CNTRL: variants seen among roughly 807,000 people sequenced by gnomAD.
CNTRL encodes the protein 110 kDa centrosomal protein.
Under a neutral mutation model 303.7 loss-of-function variants are expected in CNTRL, and 233 were observed. That is an observed-to-expected ratio of 0.77 (90% confidence interval 0.69 to 0.86). The LOEUF is 0.86. Ranked by LOEUF, CNTRL falls within the 40% of genes least tolerant of loss-of-function variation. CNTRL has a pLI of 0.00. For synonymous variants in CNTRL, 900 were observed against 922.2 expected (o/e 0.98, Z 0.44); for missense variants, 2,524 against 2,650.6 (o/e 0.95, Z 1.05).
At position 121,173,351 on chromosome 9, in the gene CNTRL, A is replaced by C; in HGVS notation, c.6526A>C (p.Asn2176His). The change falls in exon 41 of 44, where the codon AAT becomes CAT. Residue 2176 changes from asparagine (N) to histidine (H), a missense_variant. By Grantham distance (68) the Asn-to-His change is moderately conservative (BLOSUM62 1). Transcript: ENST00000373855. Reference sequence around the variant, plus strand: ...AATCAGAACCAGCTTGAAGAATCTTAATCAGTTTCTTCCAGAACTACCAGC... The same window carrying C: ...AATCAGAACCAGCTTGAAGAATCTTCATCAGTTTCTTCCAGAACTACCAGC... ...DEIRTSLKNL[N>H]QFLPELPADL... The C allele has an allele frequency of 6.2e-7, 1 of 1,614,176 alleles. No individual in the cohort carries two copies.
At chr9:121,134,617 C>T (rs1005380221) in intron 14 of CNTRL, among the ~76,000 whole-genome samples, 2 of 152,134 alleles carry the variant, frequency 1.3e-5, no homozygotes, top group African/African-American at 4.8e-5. Context: ...AATATCTGAA[C>T]CATATTCAGA....
intron 14 of CNTRL, among the ~76,000 whole-genome samples, chr9:121,128,056 T>A (rs2050635334): frequency 6.6e-6 from 1 of 152,194 alleles, no homozygotes; most frequent in South Asian, 2.1e-4. Flanking sequence ...GATGGACATT[T>A]GGGTTGGTTC....
At chr9:121,089,028 A>C (rs901236314) in intron 3 of CNTRL, among the ~76,000 whole-genome samples, 1 of 152,198 alleles carries the variant, frequency 6.6e-6, no homozygotes, top group Non-Finnish European at 1.5e-5. Context: ...TAGTCTAGGA[A>C]TCTGTTCTCA....
At chr9:121,091,316 T>C (rs2048561318) in intron 4 of CNTRL, among the ~76,000 whole-genome samples, 1 of 152,154 alleles carries the variant, frequency 6.6e-6, no homozygotes, top group Non-Finnish European at 1.5e-5. Context: ...CAAAAAGTAT[T>C]TCCAGAAGGG....
At chr9:121,113,216 T>TA (rs2049830469) in intron 9 of CNTRL, among the ~76,000 whole-genome samples, 1 of 152,192 alleles carries the variant, frequency 6.6e-6, no homozygotes, top group Non-Finnish European at 1.5e-5. Flanking sequence ...CAAGCAGTGC[T>TA]AAAAATCACA....
At chr9:121,091,773 G>A (rs2048581482) in intron 4 of CNTRL, among the ~76,000 whole-genome samples, 1 of 152,086 alleles carries the variant, frequency 6.6e-6, no homozygotes, top group South Asian at 2.1e-4. Flanking sequence ...GAACCCAGGA[G>A]GTGGAGGTTG....
intron 15 of CNTRL, among the ~76,000 whole-genome samples, chr9:121,136,635 A>G (rs2051212921): frequency 6.6e-6 from 1 of 152,144 alleles, no homozygotes; most frequent in South Asian, 2.1e-4. Context: ...GTTGATGATA[A>G]GTTGTAGTTT....
At chr9:121,121,953 TATG>T in intron 12 of CNTRL, 4 of 983,936 alleles carry the variant, frequency 4.1e-6, no homozygotes, top group South Asian at 4.7e-5. Flanking sequence ...TAAGTTAAGG[TATG>T]ATATTTTTTC....
intron 14 of CNTRL, among the ~76,000 whole-genome samples, chr9:121,133,618 G>A (rs1008006263): frequency 2.0e-5 from 3 of 152,198 alleles, no homozygotes; most frequent in Admixed American, 6.5e-5. Flanking sequence ...TGGGTGAGGC[G>A]ATGCCCTGCC....
intron 7 of CNTRL, among the ~76,000 whole-genome samples, chr9:121,103,562 A>G (rs1365145944): frequency 6.6e-6 from 1 of 152,244 alleles, no homozygotes; most frequent in Non-Finnish European, 1.5e-5. Flanking sequence ...ATCTAATTAA[A>G]CTAAAGAGCT....
intron 12 of CNTRL, among the ~76,000 whole-genome samples, chr9:121,123,256 A>G (rs1364631435): frequency 6.6e-6 from 1 of 152,140 alleles, no homozygotes; most frequent in Admixed American, 6.5e-5. Context: ...TATATGCCAT[A>G]ACCAACTAAT....
At chr9:121,126,038 G>T (rs906687146) in intron 14 of CNTRL, 102 bp downstream of exon 14, 70 of 901,476 alleles carry the variant, frequency 7.8e-5, no homozygotes, top group Non-Finnish European at 1.2e-4. Flanking sequence ...GTGGGAAAAA[G>T]TATTAGTGGC....
At chr9:121,097,663 A>T (rs1191382418) in intron 6 of CNTRL, among the ~76,000 whole-genome samples, 1 of 152,230 alleles carries the variant, frequency 6.6e-6, no homozygotes, top group Non-Finnish European at 1.5e-5. Context: ...GATGATGGGA[A>T]GAGGTAGCCA....
chr9:121,124,958 A>C (rs949326166), intron 13 of CNTRL, among the ~76,000 whole-genome samples: 7 of 150,360 alleles, frequency 4.7e-5, no homozygotes, highest in African/African-American at 9.8e-5. Context: ...AAAAAAAAAA[A>C]AGAGAGAGAT....
At chr9:121,138,108 G>A (rs191197443) in intron 15 of CNTRL, among the ~76,000 whole-genome samples, 1 of 152,244 alleles carries the variant, frequency 6.6e-6, no homozygotes, top group African/African-American at 2.4e-5. Flanking sequence ...CCACTCTAGA[G>A]ATTCTGATCC....
intron 14 of CNTRL, among the ~76,000 whole-genome samples, chr9:121,135,045 G>A (rs1008852424): frequency 3.9e-5 from 6 of 152,192 alleles, no homozygotes; most frequent in African/African-American, 1.2e-4. Context: ...AGTTCTCATC[G>A]TAGAATCCTC....
chr9:121,123,035 A>G (rs2050317724), intron 12 of CNTRL, among the ~76,000 whole-genome samples: 1 of 152,178 alleles, frequency 6.6e-6, no homozygotes, highest in African/African-American at 2.4e-5. Flanking sequence ...CAAGTATTTT[A>G]TCTATTTCAT....
At chr9:121,095,084 T>TGGATAACATTAATC in intron 5 of CNTRL, 66 bp downstream of exon 5, 1 of 1,160,612 alleles carries the variant, frequency 8.6e-7, no homozygotes, top group Non-Finnish European at 1.2e-6. Context: ...TAGATTAATG[T>TGGATAACATTAATC]TATCCACATT....
chr9:121,134,045 G>T (rs999150693), intron 14 of CNTRL, among the ~76,000 whole-genome samples: 1 of 152,126 alleles, frequency 6.6e-6, no homozygotes, highest in Admixed American at 6.5e-5. Context: ...ACAGTTACAA[G>T]AAAGTTGAAC....
Sources: gnomAD v4.1 joint callset for allele counts (sites outside exome capture counted in the v4.1 genomes callset) on GRCh38, gnomAD v4.1.1 for gene constraint, MANE v1.5 for transcripts, NCBI Gene and HGNC (gene_info 2026-07-23, HGNC 2026-07-21) for gene names.